Variants in TENM3 observed in about 807,000 individuals in gnomAD.
TENM3 encodes the protein teneurin transmembrane protein 3.
In TENM3, 63 loss-of-function variants were observed where a neutral mutation model predicts 255.1. That is an observed-to-expected ratio of 0.25 (90% confidence interval 0.20 to 0.30). TENM3 has a LOEUF of 0.30. TENM3 is among the 10% of genes least tolerant of loss of function. The probability of loss-of-function intolerance (pLI) is 1.00; values close to 1 mark genes in which losing one functional copy is unlikely to be tolerated. For synonymous variants in TENM3, 1,306 were observed against 1,322.3 expected, an observed-to-expected ratio of 0.99 and a Z score of 0.27; for missense variants, 2,929 against 3,461.1, an observed-to-expected ratio of 0.85 and a Z score of 3.86.
At chr4:181,450,443 G>C in the TENM3 span, among the ~76,000 whole-genome samples, 3 of 152,200 alleles carry the variant, frequency 2.0e-5, no homozygotes, top group African/African-American at 4.8e-5. Context: ...TTTCTTCCTA[G>C]GGACAGAAGG....
chr4:182,552,050 G>C (rs181048234), intron 3 of TENM3, among the ~76,000 whole-genome samples: 2 of 151,410 alleles, frequency 1.3e-5, no homozygotes, highest in South Asian at 4.2e-4. Flanking sequence ...AAAGTTAAAT[G>C]ATATGTAACA....
intron 3 of TENM3, among the ~76,000 whole-genome samples, chr4:182,366,719 AAAAT>A (rs1405327445): frequency 4.6e-5 from 7 of 152,202 alleles, no homozygotes; most frequent in Non-Finnish European, 1.0e-4. Context: ...ATGCTAACTA[AAAAT>A]AAATATTTTC....
chr4:182,596,625 A>G (rs1747252320), intron 3 of TENM3, among the ~76,000 whole-genome samples: 1 of 152,226 alleles, frequency 6.6e-6, no homozygotes, highest in Non-Finnish European at 1.5e-5. Context: ...GGTGTAAGGC[A>G]TGGAGTGGCT....
At chr4:181,685,979 T>A in the TENM3 span, among the ~76,000 whole-genome samples, 1 of 152,186 alleles carries the variant, frequency 6.6e-6, no homozygotes, top group Non-Finnish European at 1.5e-5. Context: ...ATTTTAGCCA[T>A]CGAAGGTGTT....
rs558276220 is a variant in TENM3, at chr4:182,652,645, T to C, written c.989-1126T>C. On this transcript the variant is annotated intron_variant, in intron 5 of 27. Transcript: ENST00000511685. ...CATCCAAAGCCCCTGCTCCATGTAC[T>C]GTAGCAGGTCAGTGCCGTTACTTTA... is the stretch of plus-strand genomic sequence containing the variant. Among the ~76,000 whole-genome samples, 9 of 152,352 alleles carry C rather than the reference T, an allele frequency of 5.9e-5. No individual in the cohort carries two copies. The East Asian group carries it at 1.7e-3, about 29-fold the overall frequency.
chr4:182,087,419 C>T, the TENM3 span, among the ~76,000 whole-genome samples: 56,131 of 152,034 alleles, frequency 0.37, 10,547 homozygotes, highest in African/African-American at 0.46. Context: ...TTCCTCTTCA[C>T]TGGACAAAAA....
chr4:182,374,130 C>T (rs1426736881), intron 3 of TENM3, among the ~76,000 whole-genome samples: 1 of 152,124 alleles, frequency 6.6e-6, no homozygotes, highest in Non-Finnish European at 1.5e-5. Context: ...TTGTGTCTTA[C>T]TATTTCTGTA....
intron 2 of TENM3, among the ~76,000 whole-genome samples, chr4:182,343,865 T>G (rs886621990): frequency 6.6e-6 from 1 of 152,108 alleles, no homozygotes; most frequent in South Asian, 2.1e-4. Context: ...AAATAAAAAT[T>G]TCTTAACCAC....
At chr4:182,563,081 T>C (rs1743378445) in intron 3 of TENM3, among the ~76,000 whole-genome samples, 1 of 152,122 alleles carries the variant, frequency 6.6e-6, no homozygotes, top group African/African-American at 2.4e-5. Flanking sequence ...CCTTGATGAA[T>C]ATTTCAAAAT....
intron 25 of TENM3, among the ~76,000 whole-genome samples, chr4:182,790,829 C>A (rs1401747388): frequency 6.6e-6 from 1 of 152,126 alleles, no homozygotes; most frequent in Non-Finnish European, 1.5e-5. Flanking sequence ...CATAATGGCA[C>A]TGGGAAATGT....
chr4:182,560,857 T>A (rs1743089902), intron 3 of TENM3, among the ~76,000 whole-genome samples: 1 of 150,006 alleles, frequency 6.7e-6, no homozygotes, highest in Non-Finnish European at 1.5e-5. Context: ...AGGGCAAAGA[T>A]ACAACTCCTC....
the TENM3 span, among the ~76,000 whole-genome samples, chr4:181,939,350 G>A: frequency 3.9e-5 from 6 of 152,148 alleles, no homozygotes; most frequent in African/African-American, 1.4e-4. Context: ...TAGCCTGTCT[G>A]TTCACCAAAA....
intron 5 of TENM3, among the ~76,000 whole-genome samples, chr4:182,648,312 C>A (rs1318508725): frequency 6.8e-6 from 1 of 147,746 alleles, no homozygotes. Context: ...GAAACAGAGT[C>A]TCATTTTGTC....
the TENM3 span, among the ~76,000 whole-genome samples, chr4:181,805,045 G>A: frequency 1.8e-4 from 27 of 152,020 alleles, no homozygotes; most frequent in African/African-American, 5.6e-4. Flanking sequence ...CCCTGCTGCC[G>A]TCATACAGCC....
intron 3 of TENM3, among the ~76,000 whole-genome samples, chr4:182,365,595 C>T (rs1580310207): frequency 6.6e-6 from 1 of 152,146 alleles, no homozygotes; most frequent in Admixed American, 6.5e-5. Flanking sequence ...AAGTTCATTT[C>T]CACAAAGTTT....
chr4:182,236,782 A>G (rs1756924528), intron 1 of TENM3, among the ~76,000 whole-genome samples: 1 of 152,238 alleles, frequency 6.6e-6, no homozygotes, highest in Non-Finnish European at 1.5e-5. Flanking sequence ...ATACAGTGGT[A>G]GCAGACCCCA....
the TENM3 span, among the ~76,000 whole-genome samples, chr4:181,676,912 C>T: frequency 1.3e-5 from 2 of 151,720 alleles, no homozygotes; most frequent in African/African-American, 4.8e-5. Flanking sequence ...CATGACCCAC[C>T]TTATTAACCA....
the TENM3 span, among the ~76,000 whole-genome samples, chr4:182,104,706 G>T: frequency 1.4e-4 from 21 of 151,780 alleles, no homozygotes; most frequent in African/African-American, 5.1e-4. Flanking sequence ...TAGAGACGGG[G>T]TTTCACTATG....
the TENM3 span, among the ~76,000 whole-genome samples, chr4:181,627,748 G>A: frequency 6.6e-6 from 1 of 152,128 alleles, no homozygotes. Flanking sequence ...ATGGACATTT[G>A]GGTTGGTTCC....
Sources: allele counts gnomAD v4.1 joint callset (sites outside exome capture counted in the v4.1 genomes callset), GRCh38; gene constraint gnomAD v4.1.1; transcripts MANE v1.5; gene names NCBI Gene and HGNC (gene_info 2026-07-23, HGNC 2026-07-21).